Variants in KLF12 observed in about 807,000 individuals in gnomAD.
KLF12 encodes the protein Krueppel-like factor 12.
KLF12 carries 9 observed loss-of-function variants against 37.8 expected under a neutral mutation model. The ratio of observed to expected loss-of-function variants is 0.24; its 90% CI spans 0.14 to 0.42. The LOEUF (loss-of-function observed/expected upper bound fraction) is 0.42, where lower values mean the gene tolerates loss of function less well. KLF12 is among the 10% of genes least tolerant of loss of function. KLF12 has a pLI of 1.00. For missense variants in KLF12, 411 were observed against 516.0 expected, an observed-to-expected ratio of 0.80 and a Z score of 1.97; for synonymous variants, 208 against 202.1, an observed-to-expected ratio of 1.03 and a Z score of -0.25.
At chr13:74,226,788 G>C in the KLF12 span, among the ~76,000 whole-genome samples, 1 of 152,092 alleles carries the variant, frequency 6.6e-6, no homozygotes, top group South Asian at 2.1e-4. Flanking sequence ...AACTGGGAAA[G>C]GTACCCTAAC....
chr13:73,962,507 G>C (rs889638704), intron 2 of KLF12, among the ~76,000 whole-genome samples: 3 of 152,194 alleles, frequency 2.0e-5, no homozygotes, highest in African/African-American at 7.2e-5. Flanking sequence ...GTCAACGTAG[G>C]TTCATCCATT....
chr13:73,929,997 G>A (rs1889590563), intron 3 of KLF12, among the ~76,000 whole-genome samples: 1 of 152,142 alleles, frequency 6.6e-6, no homozygotes, highest in African/African-American at 2.4e-5. Context: ...ATCACAAAAG[G>A]CCACTACACA....
chr13:73,964,550 A>G (rs1193404202), intron 2 of KLF12, among the ~76,000 whole-genome samples: 1 of 151,528 alleles, frequency 6.6e-6, no homozygotes. Context: ...CGGGTGGATC[A>G]CGAGGTCAGG....
In KLF12 at chr13:73,689,809, T is replaced by C. The variant is rs1213060264; in HGVS notation, c.*5681A>G. The C allele has an allele frequency of 2.0e-5, 3 of 152,218 alleles. No homozygotes were observed. The highest frequency in any genetic ancestry group is 4.4e-5 in the Non-Finnish European group (3 of 68,032). 9.4% of individuals were successfully genotyped at this position (152,218 alleles called of 1,614,324 possible). A position where few individuals can be genotyped will look rare whatever the true frequency, so the allele number is the denominator to read the frequency against. Reference sequence around the variant, plus strand: ...TGGATAAAATGAACAAGCAAACAAATATCCTTCAGTCTTTTGCGCCAAATA... The same window carrying C: ...TGGATAAAATGAACAAGCAAACAAACATCCTTCAGTCTTTTGCGCCAAATA... On this transcript the variant is annotated 3_prime_UTR_variant, in exon 8 of 8. Coordinates refer to ENST00000377669, the MANE Select transcript of KLF12 (RefSeq NM_007249.5).
At chr13:73,784,632 T>C (rs1282197900) in intron 5 of KLF12, among the ~76,000 whole-genome samples, 4 of 106,206 alleles carry the variant, frequency 3.8e-5, no homozygotes, top group Admixed American at 2.1e-4. Flanking sequence ...CCTCATCTCC[T>C]TTTTTTTTTT....
intron 4 of KLF12, among the ~76,000 whole-genome samples, chr13:73,818,481 CAG>C (rs1428110191): frequency 6.6e-6 from 1 of 152,242 alleles, no homozygotes; most frequent in African/African-American, 2.4e-5. Flanking sequence ...TAGACTGACA[CAG>C]ATGCAGGGGA....
the KLF12 span, among the ~76,000 whole-genome samples, chr13:74,275,784 TTC>T: frequency 1.3e-5 from 1 of 77,594 alleles, no homozygotes; most frequent in African/African-American, 5.9e-5. Context: ...GTCTTTTTCT[TTC>T]TTTCTTTCTT....
the KLF12 span, among the ~76,000 whole-genome samples, chr13:74,280,980 A>G: frequency 6.6e-6 from 1 of 151,986 alleles, no homozygotes; most frequent in South Asian, 2.1e-4. Flanking sequence ...ACTACTTTAC[A>G]GTGGGGTGAA....
chr13:73,986,173 A>G (rs1891823484), intron 2 of KLF12, among the ~76,000 whole-genome samples: 1 of 152,242 alleles, frequency 6.6e-6, no homozygotes, highest in Non-Finnish European at 1.5e-5. Context: ...GATGAATTCT[A>G]AAAGTAGTTC....
chr13:74,104,580 C>T (rs1442922670), intron 1 of KLF12, among the ~76,000 whole-genome samples: 2 of 152,064 alleles, frequency 1.3e-5, no homozygotes, highest in African/African-American at 4.8e-5. Flanking sequence ...CTCCCATTGC[C>T]CAATGTAACA....
the KLF12 span, among the ~76,000 whole-genome samples, chr13:74,220,659 G>A: frequency 6.6e-6 from 1 of 152,034 alleles, no homozygotes; most frequent in Non-Finnish European, 1.5e-5. Flanking sequence ...TGCGTCTTTC[G>A]ATCAACATCT....
chr13:73,982,560 A>T (rs934497037), intron 2 of KLF12, among the ~76,000 whole-genome samples: 5 of 152,244 alleles, frequency 3.3e-5, no homozygotes, highest in Non-Finnish European at 7.3e-5. Context: ...ATAAAAAAGA[A>T]ATCTTGTTGC....
the KLF12 span, among the ~76,000 whole-genome samples, chr13:74,229,901 T>C: frequency 1.3e-5 from 2 of 152,186 alleles, no homozygotes; most frequent in Non-Finnish European, 2.9e-5. Flanking sequence ...ATGTGACATG[T>C]TTCCTTGGCT....
chr13:74,070,808 G>T (rs1353919387), intron 1 of KLF12, among the ~76,000 whole-genome samples: 3 of 152,042 alleles, frequency 2.0e-5, no homozygotes, highest in Non-Finnish European at 2.9e-5. Flanking sequence ...TCTGGGGTTG[G>T]GTCTGTAACA....
intron 3 of KLF12, among the ~76,000 whole-genome samples, chr13:73,912,464 G>A (rs1005828754): frequency 2.0e-5 from 3 of 152,090 alleles, no homozygotes; most frequent in Non-Finnish European, 2.9e-5. Context: ...CAATAAGACA[G>A]GTGTCCTTAT....
chr13:74,083,421 C>T (rs1346663845), intron 1 of KLF12, among the ~76,000 whole-genome samples: 1 of 151,548 alleles, frequency 6.6e-6, no homozygotes, highest in Non-Finnish European at 1.5e-5. Context: ...GTGGGAGGAT[C>T]ACCTGAGCCC....
chr13:74,004,008 A>G (rs1026853096), intron 1 of KLF12, among the ~76,000 whole-genome samples: 1 of 152,198 alleles, frequency 6.6e-6, no homozygotes, highest in Non-Finnish European at 1.5e-5. Flanking sequence ...AATTATTGAG[A>G]GTAAGCAGGT....
the KLF12 span, among the ~76,000 whole-genome samples, chr13:74,249,336 TCACACACA>T: frequency 1.8e-3 from 136 of 74,152 alleles, no homozygotes; most frequent in African/African-American, 2.4e-3. Context: ...AGCAGGAGCA[TCACACACA>T]CACACACACA....
intron 5 of KLF12, among the ~76,000 whole-genome samples, chr13:73,803,715 C>T (rs920600445): frequency 1.3e-5 from 2 of 151,486 alleles, no homozygotes; most frequent in African/African-American, 4.9e-5. Context: ...GCTCTGGAGA[C>T]ACAAAGAAGG....
Sources: allele counts gnomAD v4.1 joint callset (sites outside exome capture counted in the v4.1 genomes callset), GRCh38; gene constraint gnomAD v4.1.1; transcripts MANE v1.5; gene names NCBI Gene and HGNC (gene_info 2026-07-23, HGNC 2026-07-21).